MAD2L1BP: variants seen among roughly 807,000 people sequenced by gnomAD.
MAD2L1BP encodes the protein MAD2L1-binding protein.
Under a neutral mutation model 28.4 loss-of-function variants are expected in MAD2L1BP, and 22 were observed. That is an observed-to-expected ratio of 0.77 (90% CI 0.55 to 1.10). The LOEUF (loss-of-function observed/expected upper bound fraction) is 1.10. Among genes scored for constraint, MAD2L1BP ranks in the 50% least tolerant of loss-of-function variants. The pLI is 0.00. For missense variants in MAD2L1BP, 325 were observed against 350.5 expected, an observed-to-expected ratio of 0.93 and a Z score of 0.58; for synonymous variants, 146 against 133.7, an observed-to-expected ratio of 1.09 and a Z score of -0.63.
intron 2 of MAD2L1BP, among the ~76,000 whole-genome samples, chr6:43,639,661 C>G (rs1293445366): frequency 3.3e-5 from 5 of 152,148 alleles, no homozygotes; most frequent in African/African-American, 9.7e-5. Flanking sequence ...AGTTCAAAGT[C>G]ATGTTTATTA....
Position 43,640,798 on chromosome 6 carries a change from G to A in MAD2L1BP, c.*265G>A. 2.4e-6 allele frequency: 1 copy of A among 413,802 alleles called. No individual in the cohort carries two copies. Among genetic ancestry groups the A allele is most frequent in the Non-Finnish European group, 4.3e-6 (1 of 231,958 alleles). 25.6% of individuals were successfully genotyped at this position (413,802 alleles called of 1,614,324 possible). ...GCTGGGTCAGGCATTTCTATTAGGA[G>A]TTGGAAAGCAAAAATGGGTCCATAG... On this transcript the variant is annotated 3_prime_UTR_variant, in exon 3 of 3. Transcript: ENST00000372171.
At chr6:43,635,002 C>T (rs555257574), upstream of MAD2L1BP, among the ~76,000 whole-genome samples, 119 of 152,302 alleles carry the variant, frequency 7.8e-4, no homozygotes, top group African/African-American at 2.8e-3. Context: ...TCATCAAGTA[C>T]TCGGGTAATT....
At chr6:43,636,772 C>A in intron 2 of MAD2L1BP, 126 bp downstream of exon 2, 3 of 1,101,222 alleles carry the variant, frequency 2.7e-6, no homozygotes, top group Non-Finnish European at 3.9e-6. Context: ...GGGCTTCGGT[C>A]ACTTTCTCCC....
intron 2 of MAD2L1BP, among the ~76,000 whole-genome samples, chr6:43,638,947 G>T (rs544404445): frequency 4.9e-4 from 75 of 152,226 alleles, no homozygotes; most frequent in African/African-American, 1.8e-3. Context: ...GGAGAAATTT[G>T]GCAGATGATC....
At chr6:43,636,071 G>A (rs908542276) in intron 1 of MAD2L1BP, 150 bp downstream of exon 1, 2 of 836,450 alleles carry the variant, frequency 2.4e-6, no homozygotes, top group African/African-American at 1.7e-5. Context: ...TGACTCCATC[G>A]CCCTGGGTCG....
upstream of MAD2L1BP, among the ~76,000 whole-genome samples, chr6:43,635,438 C>T (rs1462420527): frequency 1.3e-5 from 2 of 152,202 alleles, no homozygotes; most frequent in African/African-American, 2.4e-5. Context: ...ACTTCCACAC[C>T]CCGTGTACAC....
At chr6:43,629,575 C>T in exon 1 of MAD2L1BP, 1 of 703,344 alleles carries the variant, frequency 1.4e-6, no homozygotes, top group Non-Finnish European at 2.5e-6. Context: ...GGGGTGGGGA[C>T]GCGAGGACAC....
exon 1 of MAD2L1BP, chr6:43,629,747 C>G: frequency 6.4e-7 from 1 of 1,554,654 alleles, no homozygotes; most frequent in East Asian, 2.4e-5. Flanking sequence ...AGTTTCTTCC[C>G]CTATGGCCCG....
intron 1 of MAD2L1BP, among the ~76,000 whole-genome samples, chr6:43,630,182 G>A (rs1388096304): frequency 1.3e-5 from 2 of 152,232 alleles, no homozygotes; most frequent in African/African-American, 4.8e-5. Context: ...GGCCACAGGG[G>A]ATTTTTGGCT....
upstream of MAD2L1BP, among the ~76,000 whole-genome samples, chr6:43,630,895 C>T (rs556269048): frequency 7.6e-5 from 9 of 118,716 alleles, no homozygotes; most frequent in Non-Finnish European, 9.5e-5. Flanking sequence ...GGTGACAGAA[C>T]GAGACTTCGT....
Position 43,635,912 on chromosome 6 carries a change from G to A in MAD2L1BP, c.37G>A (p.Ala13Thr), listed in dbSNP as rs868275123. 1 of 1,500,908 alleles carries A rather than the reference G, an allele frequency of 6.7e-7. No homozygotes were observed. Among genetic ancestry groups the A allele is most frequent in the South Asian group, 1.3e-5 (1 of 77,226 alleles). 93.0% of individuals were successfully genotyped at this position (1,500,908 alleles called of 1,614,324 possible). ...GGAGGCGGAGGTTCTGTCCTCAGCC[G>A]CAGTCCCTGGTAAGGCGTGGGGCCA... ...APEAEVLSSA[A>T]VPDLEWYEKS... The change falls in exon 1 of 3, where the codon GCA (alanine) becomes ACA (threonine). Residue 13 changes from alanine to threonine, a missense_variant. Coordinates refer to ENST00000372171, the MANE Select transcript of MAD2L1BP (RefSeq NM_014628.3).
intron 2 of MAD2L1BP, among the ~76,000 whole-genome samples, chr6:43,637,429 T>C (rs1424031456): frequency 6.7e-6 from 1 of 149,186 alleles, no homozygotes; most frequent in Non-Finnish European, 1.5e-5. Context: ...TTTCTTCTTT[T>C]TTTTTTTTTT....
upstream of MAD2L1BP, chr6:43,633,241 C>T: frequency 2.4e-6 from 1 of 420,712 alleles, no homozygotes; most frequent in Non-Finnish European, 4.6e-6. Context: ...GGCATGACCT[C>T]AGCTCACCAC....
At chr6:43,639,064 T>A (rs897646627) in intron 2 of MAD2L1BP, among the ~76,000 whole-genome samples, 4 of 152,208 alleles carry the variant, frequency 2.6e-5, no homozygotes, top group African/African-American at 9.6e-5. Context: ...GCTGTGTGGA[T>A]CAGTTTGCAT....
At chr6:43,632,157 C>T (rs1266209484), upstream of MAD2L1BP, among the ~76,000 whole-genome samples, 2 of 152,046 alleles carry the variant, frequency 1.3e-5, no homozygotes, top group South Asian at 2.1e-4. Flanking sequence ...GCCTTGGCCT[C>T]CCAAAGTGCT....
At chr6:43,639,145 T>C (rs1486579880) in intron 2 of MAD2L1BP, among the ~76,000 whole-genome samples, 1 of 138,190 alleles carries the variant, frequency 7.2e-6, no homozygotes, top group African/African-American at 2.6e-5. Flanking sequence ...ATCTTCTTTC[T>C]TTTTTTTTTT....
chr6:43,635,917 C>T lies in MAD2L1BP; in HGVS notation c.42C>T (p.Val14=), dbSNP rs1406238749. 3.3e-6 allele frequency: 5 copies of T among 1,505,598 alleles called. No homozygotes were observed. Among genetic ancestry groups the T allele is most frequent in the South Asian group, 2.6e-5 (2 of 77,778 alleles). The allele number at this position is 1,505,598 out of a possible 1,614,324, so 93.3% of individuals were successfully genotyped here. The stretch of plus-strand genomic sequence containing the variant: ...CGGAGGTTCTGTCCTCAGCCGCAGT[C>T]CCTGGTAAGGCGTGGGGCCAAGAGT... ...PEAEVLSSAA[V]PDLEWYEKSE... The change falls in exon 1 of 3, where the codon GTC becomes GTT. Residue 14 remains valine (V), a synonymous_variant. Transcript: ENST00000372171.
intron 2 of MAD2L1BP, among the ~76,000 whole-genome samples, chr6:43,637,658 G>A (rs931448346): frequency 1.3e-5 from 2 of 152,054 alleles, no homozygotes; most frequent in African/African-American, 2.4e-5. Flanking sequence ...GAGTGCAGTC[G>A]TGCCATGTTG....
At chr6:43,636,873 G>A in intron 2 of MAD2L1BP, 1 of 563,508 alleles carries the variant, frequency 1.8e-6, no homozygotes, top group Admixed American at 3.2e-5. Flanking sequence ...TTAATGAACT[G>A]GCTCTTTGCA....
Sources: allele counts gnomAD v4.1 joint callset (sites outside exome capture counted in the v4.1 genomes callset), GRCh38; gene constraint gnomAD v4.1.1; transcripts MANE v1.5; gene names NCBI Gene and HGNC (gene_info 2026-07-23, HGNC 2026-07-21).